Variants in PIKFYVE observed in about 807,000 individuals in gnomAD.
PIKFYVE encodes the protein 1-phosphatidylinositol 3-phosphate 5-kinase.
In PIKFYVE, 122 loss-of-function variants were observed where a neutral mutation model predicts 257.9. That is an observed-to-expected ratio of 0.47 (90% confidence interval 0.41 to 0.55). PIKFYVE has a LOEUF of 0.55. Ranked by LOEUF, PIKFYVE falls within the 20% of genes least tolerant of loss-of-function variation. The pLI is 0.00. For missense variants in PIKFYVE, 2,160 were observed against 2,536.6 expected (o/e 0.85, Z 3.19); for synonymous variants, 892 against 868.9 (o/e 1.03, Z -0.47).
intron 29 of PIKFYVE, 72 bp from the exon 30 acceptor site, chr2:208,339,346 A>C: frequency 6.4e-7 from 1 of 1,554,430 alleles, no homozygotes; most frequent in Middle Eastern, 1.7e-4. Context: ...ATGAATGAGC[A>C]TTTAAAAAAT....
Position 208,285,775 on chromosome 2 carries a change from T to C in PIKFYVE, c.663T>C (p.Ala221=). The change falls in exon 6 of 42, where the codon GCT becomes GCC. Residue 221 remains alanine (A), a synonymous_variant. Coordinates refer to ENST00000264380, the MANE Select transcript of PIKFYVE (RefSeq NM_015040.4). ...TYCRKIALSY[A]HSTDSNSIGE... ...GTAGAAAAATAGCCTTAAGTTATGCTCATTCCACAGACAGTAATTCTATTG... is the reference window on the plus strand; with the variant it reads ...GTAGAAAAATAGCCTTAAGTTATGCCCATTCCACAGACAGTAATTCTATTG... 1.9e-6 allele frequency: 3 copies of C among 1,614,146 alleles called. No individual in the cohort carries two copies. The highest frequency in any genetic ancestry group is 2.5e-6 in the Non-Finnish European group (3 of 1,179,994).
chr2:208,323,497 A>G (rs1269386269), intron 17 of PIKFYVE, among the ~76,000 whole-genome samples: 1 of 152,066 alleles, frequency 6.6e-6, no homozygotes, highest in Non-Finnish European at 1.5e-5. Context: ...CATTTTCTTA[A>G]TCCAGTCTAT....
chr2:208,332,672 A>G (rs1325648722), intron 23 of PIKFYVE, among the ~76,000 whole-genome samples: 2 of 152,308 alleles, frequency 1.3e-5, no homozygotes, highest in East Asian at 3.9e-4. Context: ...ATATATTGCT[A>G]AGTAAAAGAT....
At chr2:208,270,873 A>C (rs559937243) in intron 1 of PIKFYVE, among the ~76,000 whole-genome samples, 1 of 152,058 alleles carries the variant, frequency 6.6e-6, no homozygotes, top group Non-Finnish European at 1.5e-5. Context: ...ATCTCTACTG[A>C]AAATACAAAA....
At chr2:208,310,419 C>T (rs72982959) in intron 12 of PIKFYVE, among the ~76,000 whole-genome samples, 2,909 of 152,184 alleles carry the variant, frequency 0.019, 46 homozygotes, top group Admixed American at 0.034. Context: ...AGTGAGAAAA[C>T]CCTATTTTCA....
At chr2:208,302,211 A>C (rs1304508598) in intron 9 of PIKFYVE, 31 bp from the exon 10 acceptor site, 2 of 1,600,346 alleles carry the variant, frequency 1.2e-6, no homozygotes, top group Admixed American at 1.7e-5. Flanking sequence ...CTGACTTTTA[A>C]AACTTTTCAT....
At chr2:208,345,984 G>T in intron 33 of PIKFYVE, 66 bp from the exon 34 acceptor site, 1 of 1,116,338 alleles carries the variant, frequency 9.0e-7, no homozygotes, top group Non-Finnish European at 1.4e-6. Flanking sequence ...TTAGTGTAGA[G>T]TACTTACTAT....
chr2:208,299,578 G>A (rs1205105652), intron 8 of PIKFYVE, among the ~76,000 whole-genome samples: 2 of 152,242 alleles, frequency 1.3e-5, no homozygotes, highest in East Asian at 1.9e-4. Flanking sequence ...GTGAGCCACC[G>A]CGCCTGGCCA....
intron 41 of PIKFYVE, 140 bp downstream of exon 41, chr2:208,354,785 A>G (rs1225212439): frequency 1.4e-6 from 1 of 723,548 alleles, no homozygotes; most frequent in Non-Finnish European, 2.4e-6. Context: ...AAAGTGACCA[A>G]ACAATAATGA....
intron 3 of PIKFYVE, among the ~76,000 whole-genome samples, chr2:208,276,009 A>T (rs367805882): frequency 6.6e-6 from 1 of 152,186 alleles, no homozygotes; most frequent in African/African-American, 2.4e-5. Context: ...TGGCTTCAGT[A>T]TTGCTATGTC....
At chr2:208,338,992 T>C (rs1698441081) in intron 29 of PIKFYVE, among the ~76,000 whole-genome samples, 1 of 152,198 alleles carries the variant, frequency 6.6e-6, no homozygotes. Flanking sequence ...TGTGGGGAAA[T>C]TTACATAGAC....
At chr2:208,347,165 A>G (rs979582370) in intron 34 of PIKFYVE, among the ~76,000 whole-genome samples, 4 of 152,204 alleles carry the variant, frequency 2.6e-5, no homozygotes, top group African/African-American at 7.2e-5. Context: ...TAAAGAGGCA[A>G]TACTAGTGTC....
intron 12 of PIKFYVE, among the ~76,000 whole-genome samples, chr2:208,310,374 T>A (rs1290085054): frequency 6.6e-6 from 1 of 152,236 alleles, no homozygotes; most frequent in Non-Finnish European, 1.5e-5. Flanking sequence ...GAAATATCTG[T>A]ACTTTAAAAA....
At chr2:208,325,120 A>G (rs775136312) in intron 19 of PIKFYVE, 83 bp downstream of exon 19, 419 of 1,595,846 alleles carry the variant, frequency 2.6e-4, no homozygotes, top group Non-Finnish European at 3.5e-4. Flanking sequence ...GGAAATACCT[A>G]TTAATAGTGG....
At position 208,271,593 on chromosome 2, in the gene PIKFYVE, C is replaced by T. The variant is rs760772296; in HGVS notation, c.74C>T (p.Ser25Phe). 3 of 1,614,068 alleles carry T rather than the reference C, an allele frequency of 1.9e-6. No homozygotes were observed. The highest frequency in any genetic ancestry group is 2.5e-6 in the Non-Finnish European group (3 of 1,179,898). ...NDLPRSPTSP[S>F]HLTHFKPLTP... Reference sequence around the variant, plus strand: ...TTGCCTCGATCTCCTACTAGTCCTTCTCATCTCACACACTTTAAACCTTTG... The same window carrying T: ...TTGCCTCGATCTCCTACTAGTCCTTTTCATCTCACACACTTTAAACCTTTG... The change falls in exon 2 of 42, where the codon TCT becomes TTT. Residue 25 changes from serine (S) to phenylalanine (F), a missense_variant. By Grantham distance (155) the Ser-to-Phe change is radical (BLOSUM62 -2). Coordinates refer to ENST00000264380, the MANE Select transcript of PIKFYVE (RefSeq NM_015040.4).
chr2:208,357,188 A>T lies in PIKFYVE; in HGVS notation c.*1883A>T, dbSNP rs1005851591. 6.6e-6 allele frequency: 1 copy of T among 152,244 alleles called. No individual in the cohort carries two copies. The highest frequency in any genetic ancestry group is 2.4e-5 in the African/African-American group (1 of 41,468). The allele number at this position is 152,244 out of a possible 1,614,324, so 9.4% of individuals were successfully genotyped here. A position where few individuals can be genotyped will look rare whatever the true frequency, so the allele number is the denominator to read the frequency against. On this transcript the variant is annotated 3_prime_UTR_variant, in exon 42 of 42. Coordinates refer to ENST00000264380, the MANE Select transcript of PIKFYVE (RefSeq NM_015040.4). Reference sequence around the variant, plus strand: ...AGGAGCTGTACAGAGGTAAAAAAATAAATGTGGAACATTATTAACTTACTT... The same window carrying T: ...AGGAGCTGTACAGAGGTAAAAAAATTAATGTGGAACATTATTAACTTACTT...
At chr2:208,341,315 A>G (rs975936488) in intron 31 of PIKFYVE, among the ~76,000 whole-genome samples, 1 of 151,640 alleles carries the variant, frequency 6.6e-6, no homozygotes, top group African/African-American at 2.4e-5. Context: ...TTTTTTTAAT[A>G]TAGTTTTTTT....
chr2:208,330,724 T>A (rs1697437996), intron 23 of PIKFYVE, 30 bp downstream of exon 23: 2 of 1,593,786 alleles, frequency 1.3e-6, no homozygotes, highest in Non-Finnish European at 1.7e-6. Context: ...ATATTTTGTT[T>A]GCCATTTATT....
intron 6 of PIKFYVE, among the ~76,000 whole-genome samples, chr2:208,288,076 C>T (rs193270024): frequency 2.0e-5 from 3 of 152,164 alleles, no homozygotes; most frequent in Admixed American, 2.0e-4. Flanking sequence ...CAGGCCCTGT[C>T]GTAATGGGCA....
Sources: allele counts gnomAD v4.1 joint callset (sites outside exome capture counted in the v4.1 genomes callset), GRCh38; gene constraint gnomAD v4.1.1; transcripts MANE v1.5; gene names NCBI Gene and HGNC (gene_info 2026-07-23, HGNC 2026-07-21).